Variants in C4orf36 observed in about 807,000 individuals in gnomAD.
C4orf36 encodes chromosome 4 open reading frame 36.
In C4orf36, 11 loss-of-function variants were observed where a neutral mutation model predicts 12.2. The ratio of observed to expected loss-of-function variants is 0.90; its 90% CI spans 0.57 to 1.49. The LOEUF is 1.49. C4orf36 is among the 40% of genes most tolerant of loss of function. The pLI is 0.00. For missense variants in C4orf36, 137 were observed against 133.9 expected, an observed-to-expected ratio of 1.02 and a Z score of -0.11; for synonymous variants, 54 against 51.3, an observed-to-expected ratio of 1.05 and a Z score of -0.22.
the C4orf36 span, among the ~76,000 whole-genome samples, chr4:86,909,397 T>A: frequency 6.6e-6 from 1 of 152,090 alleles, no homozygotes; most frequent in Non-Finnish European, 1.5e-5. Context: ...GCACTAGAAT[T>A]TTCCTACATA....
At chr4:86,929,224 G>A in the C4orf36 span, among the ~76,000 whole-genome samples, 8 of 152,180 alleles carry the variant, frequency 5.3e-5, no homozygotes, top group African/African-American at 1.7e-4. Flanking sequence ...TCCTCTGCTC[G>A]GGATCTCACT....
the C4orf36 span, among the ~76,000 whole-genome samples, chr4:86,900,371 T>A: frequency 6.6e-6 from 1 of 152,064 alleles, no homozygotes; most frequent in African/African-American, 2.4e-5. Flanking sequence ...TACTGGGAGA[T>A]TTGTATCCCT....
chr4:86,921,178 A>G, the C4orf36 span, among the ~76,000 whole-genome samples: 3 of 152,118 alleles, frequency 2.0e-5, no homozygotes, highest in African/African-American at 7.2e-5. Flanking sequence ...AAAAAAAAAA[A>G]AAAGTTTTCA....
chr4:86,913,123 C>A, the C4orf36 span: 2 of 202,642 alleles, frequency 9.9e-6, no homozygotes, highest in African/African-American at 2.4e-5. Flanking sequence ...TATATTCAAA[C>A]AAAACCACAT....
chr4:86,930,815 C>G, the C4orf36 span, among the ~76,000 whole-genome samples: 1 of 152,110 alleles, frequency 6.6e-6, no homozygotes. Flanking sequence ...CTAGGAATCA[C>G]GTTTTCTGCA....
the C4orf36 span, among the ~76,000 whole-genome samples, chr4:86,902,806 A>T: frequency 1.3e-5 from 2 of 152,264 alleles, no homozygotes; most frequent in Non-Finnish European, 1.5e-5. Context: ...CCTATAGTTT[A>T]TTATGTTTAT....
chr4:86,907,551 C>G, the C4orf36 span, among the ~76,000 whole-genome samples: 2 of 152,136 alleles, frequency 1.3e-5, no homozygotes, highest in Admixed American at 1.3e-4. Context: ...CCTGGAAGAT[C>G]TGTTTCTGCT....
chr4:86,926,668 T>G, the C4orf36 span, among the ~76,000 whole-genome samples: 32 of 152,288 alleles, frequency 2.1e-4, no homozygotes, highest in African/African-American at 7.7e-4. Flanking sequence ...CAGGGTATGC[T>G]TACGTTATTG....
chr4:86,925,067 G>A, the C4orf36 span: 1 of 152,184 alleles, frequency 6.6e-6, no homozygotes, highest in Admixed American at 6.5e-5. Flanking sequence ...CTCACTCACT[G>A]TCATGAGGAC....
the C4orf36 span, among the ~76,000 whole-genome samples, chr4:86,906,045 G>A: frequency 6.6e-6 from 1 of 152,096 alleles, no homozygotes; most frequent in Non-Finnish European, 1.5e-5. Context: ...CCTGTTTGAT[G>A]AACCTGAAGA....
At chr4:86,914,404 T>A in the C4orf36 span, 1 of 880,794 alleles carries the variant, frequency 1.1e-6, no homozygotes, top group African/African-American at 1.8e-5. Context: ...TTTTTTTTTT[T>A]TTTTTTTTTT....
the C4orf36 span, chr4:86,914,393 T>TC: frequency 1.3e-5 from 1 of 77,742 alleles, no homozygotes; most frequent in Non-Finnish European, 2.4e-5. Context: ...TCTTCTTCCT[T>TC]TTTTTTTTTT....
At chr4:86,912,731 T>C in the C4orf36 span, among the ~76,000 whole-genome samples, 12 of 152,162 alleles carry the variant, frequency 7.9e-5, no homozygotes, top group African/African-American at 2.9e-4. Flanking sequence ...CATGAGCATA[T>C]AGATATGTAT....
At chr4:86,916,411 T>C in the C4orf36 span, among the ~76,000 whole-genome samples, 7 of 148,858 alleles carry the variant, frequency 4.7e-5, no homozygotes, top group African/African-American at 1.7e-4. Context: ...TAATGTTTAC[T>C]CAATGGGCAC....
chr4:86,913,553 G>T, the C4orf36 span: 4 of 1,035,982 alleles, frequency 3.9e-6, no homozygotes, highest in Non-Finnish European at 4.4e-6. Flanking sequence ...AAAGAGCGTT[G>T]GGCAGCAGTC....
At chr4:86,895,078 G>T (rs1023316588), upstream of C4orf36, among the ~76,000 whole-genome samples, 2 of 152,164 alleles carry the variant, frequency 1.3e-5, no homozygotes, top group Non-Finnish European at 2.9e-5. Context: ...ACGGCAGGCT[G>T]AGACAGGAGG....
In C4orf36 at chr4:86,876,289, C is replaced by T. The variant is rs1260475075; in HGVS notation, c.*157G>A. The T allele has an allele frequency of 9.1e-7, 1 of 1,098,940 alleles. No homozygotes were observed. Among genetic ancestry groups the T allele is most frequent in the Non-Finnish European group, 1.3e-6 (1 of 794,080 alleles). 68.1% of individuals were successfully genotyped at this position (1,098,940 alleles called of 1,614,324 possible). ...TGAAATTAAGAGATTTTCTCGGTCT[C>T]TGGGCGGGCCGTGGGAGGCTTCCTG... On this transcript the variant is annotated 3_prime_UTR_variant, in exon 5 of 5. Transcript: ENST00000295898.
chr4:86,925,649 A>G, the C4orf36 span: 1 of 152,152 alleles, frequency 6.6e-6, no homozygotes, highest in Non-Finnish European at 1.5e-5. Context: ...GAGAAATCTA[A>G]TATCAATATG....
At chr4:86,880,132 G>A (rs1747017133) in intron 4 of C4orf36, among the ~76,000 whole-genome samples, 1 of 152,184 alleles carries the variant, frequency 6.6e-6, no homozygotes, top group Non-Finnish European at 1.5e-5. Flanking sequence ...GGGATTACAG[G>A]TGTGAACCAC....
Sources: gnomAD v4.1 joint callset for allele counts (sites outside exome capture counted in the v4.1 genomes callset) on GRCh38, gnomAD v4.1.1 for gene constraint, MANE v1.5 for transcripts, NCBI Gene and HGNC (gene_info 2026-07-23, HGNC 2026-07-21) for gene names.